Variants in PIWIL1 observed in about 807,000 individuals in gnomAD.
PIWIL1 encodes piwi like RNA-mediated gene silencing 1.
In PIWIL1, 73 loss-of-function variants were observed where a neutral mutation model predicts 114.4. That is an observed-to-expected ratio of 0.64 (90% CI 0.53 to 0.78). The LOEUF (loss-of-function observed/expected upper bound fraction) is 0.78. Ranked by LOEUF, PIWIL1 falls within the 30% of genes least tolerant of loss-of-function variation. The pLI is 0.00. For synonymous variants in PIWIL1, 375 were observed against 369.0 expected (o/e 1.02, Z -0.19); for missense variants, 723 against 1,063.1 (o/e 0.68, Z 4.45).
Position 130,361,550 on chromosome 12 carries a change from G to T in PIWIL1, c.1919G>T (p.Gly640Val). ...GIDCYHDMTA[G>V]RRSIAGFVAS... ...GATTGTTACCATGACATGACAGCTG[G>T]GCGGAGGTCAATCGCAGGATTTGTT... Residue 640 changes from glycine to valine, a missense_variant, in exon 16 of 21, where the codon GGG (glycine) becomes GTG (valine). Gly to Val is a moderately radical substitution (Grantham distance 109). Around this residue, in one of 8 missense-constraint regions of PIWIL1, gnomAD observed 298 missense variants for 420.8 expected, o/e 0.71. Transcript: ENST00000245255. The T allele has an allele frequency of 6.2e-7, 1 of 1,614,196 alleles. No individual in the cohort carries two copies. The highest frequency in any genetic ancestry group is 8.5e-7 in the Non-Finnish European group (1 of 1,180,040).
intron 9 of PIWIL1, among the ~76,000 whole-genome samples, chr12:130,353,943 A>G (rs1044557231): frequency 3.3e-5 from 5 of 151,806 alleles, no homozygotes; most frequent in African/African-American, 9.7e-5. Flanking sequence ...AAAAAAAAAG[A>G]ATGTCATTTT....
rs1180479711 is a variant in PIWIL1 at position 130,363,151 on chromosome 12, A to C, written c.2195+7A>C. 6.2e-7 allele frequency: 1 copy of C among 1,611,488 alleles called. No individual in the cohort carries two copies. Reference sequence around the variant, plus strand: ...CCATTGGTAGAGGTTACAAGTAAGCATGCAAATTGTAAAGCATTTTCTTTT... The same window carrying C: ...CCATTGGTAGAGGTTACAAGTAAGCCTGCAAATTGTAAAGCATTTTCTTTT... On this transcript the variant is annotated splice_region_variant and intron_variant, in intron 18 of 20. Coordinates refer to ENST00000245255, the MANE Select transcript of PIWIL1 (RefSeq NM_004764.5).
At chr12:130,380,609 C>A in the PIWIL1 span, among the ~76,000 whole-genome samples, 1 of 152,196 alleles carries the variant, frequency 6.6e-6, no homozygotes, top group South Asian at 2.1e-4. Flanking sequence ...ATTTGTCTGA[C>A]TGATTTGAAG....
At chr12:130,379,559 A>C in the PIWIL1 span, among the ~76,000 whole-genome samples, 11 of 99,328 alleles carry the variant, frequency 1.1e-4, no homozygotes, top group Admixed American at 2.1e-4. Context: ...GTTCCTTCAA[A>C]TCCCTCATCC....
chr12:130,342,155 CGT>C (rs56124149), intron 1 of PIWIL1: 29,915 of 134,646 alleles, frequency 0.22, 3,097 homozygotes, highest in Middle Eastern at 0.37. Flanking sequence ...TGCCTGTTTC[CGT>C]GTGTGTGTGT....
the PIWIL1 span, chr12:130,425,170 A>G: frequency 7.5e-6 from 2 of 265,604 alleles, no homozygotes; most frequent in Non-Finnish European, 1.4e-5. Flanking sequence ...CAGGCCCCAC[A>G]GTGCCCACGG....
the PIWIL1 span, among the ~76,000 whole-genome samples, chr12:130,392,315 ATGTGT>A: frequency 2.8e-5 from 3 of 108,188 alleles, no homozygotes; most frequent in African/African-American, 6.4e-5. Context: ...CACCGTCATC[ATGTGT>A]CCGTCAGTTA....
the PIWIL1 span, among the ~76,000 whole-genome samples, chr12:130,418,835 C>G: frequency 6.6e-6 from 1 of 152,174 alleles, no homozygotes; most frequent in Non-Finnish European, 1.5e-5. Flanking sequence ...CAAGTCCAAA[C>G]TCACATGGAC....
At position 130,349,589 on chromosome 12, in the gene PIWIL1, T is replaced by C. The variant is rs538539769; in HGVS notation, c.932+153T>C. Among the ~76,000 whole-genome samples the C allele has an allele frequency of 2.6e-5, 4 of 152,296 alleles. No homozygotes were observed. In the East Asian group the frequency reaches 5.8e-4, roughly 22 times the overall value. ...GTATTTTTCAGCTTTCCCAGGATCA[T>C]AGTTTTGGAGATGACATAACTCATC... On this transcript the variant is annotated intron_variant, in intron 8 of 20. Coordinates refer to ENST00000245255, the MANE Select transcript of PIWIL1 (RefSeq NM_004764.5).
At chr12:130,421,769 T>A in the PIWIL1 span, among the ~76,000 whole-genome samples, 1 of 151,940 alleles carries the variant, frequency 6.6e-6, no homozygotes, top group African/African-American at 2.4e-5. Flanking sequence ...CAGCTTCCAT[T>A]ATCTTGTGCA....
chr12:130,421,836 C>T, the PIWIL1 span, among the ~76,000 whole-genome samples: 1 of 152,278 alleles, frequency 6.6e-6, no homozygotes, highest in South Asian at 2.1e-4. Flanking sequence ...AAGTATCCCC[C>T]TCCATGGATT....
chr12:130,355,118 C>A, intron 11 of PIWIL1, 113 bp downstream of exon 11: 2 of 736,402 alleles, frequency 2.7e-6, no homozygotes, highest in South Asian at 1.6e-5. Context: ...CCTTTGGTAT[C>A]TGTAGTATTT....
chr12:130,377,679 T>C, the PIWIL1 span, among the ~76,000 whole-genome samples: 2 of 152,238 alleles, frequency 1.3e-5, no homozygotes, highest in East Asian at 1.9e-4. Context: ...CCCACCCATG[T>C]GGCATAAATG....
At chr12:130,377,554 C>T (rs1049106243), downstream of PIWIL1, among the ~76,000 whole-genome samples, 1 of 152,250 alleles carries the variant, frequency 6.6e-6, no homozygotes, top group African/African-American at 2.4e-5. Context: ...TTTGAGAAAC[C>T]TGGATTCTAA....
In PIWIL1 at chr12:130,361,410, T is replaced by A. The variant is rs2073504131; in HGVS notation, c.1866+30T>A. The stretch of plus-strand genomic sequence containing the variant: ...GTTTGATTTAATTGGTAGATGCCGT[T>A]TTAAAATTGGTATTTAAGAACATGG... On this transcript the variant is annotated intron_variant, in intron 15 of 20. Transcript: ENST00000245255. The A allele has an allele frequency of 2.5e-6, 4 of 1,612,422 alleles. No individual in the cohort carries two copies. In the East Asian group the frequency reaches 8.9e-5, roughly 36 times the overall value.
At chr12:130,422,798 T>TG in the PIWIL1 span, among the ~76,000 whole-genome samples, 21 of 152,164 alleles carry the variant, frequency 1.4e-4, no homozygotes, top group Non-Finnish European at 2.4e-4. This position sits in a 1 kb window ranked among gnomAD's most constrained non-coding sequence, Gnocchi z 5.2. Flanking sequence ...TAATTCCTTG[T>TG]GGGGGGGTCT....
At position 130,355,579 on chromosome 12, in the gene PIWIL1, G is replaced by A. The variant is rs552222799; in HGVS notation, c.1316G>A (p.Arg439Gln). 1.1e-5 allele frequency: 18 copies of A among 1,613,912 alleles called. 2 individuals carry two copies. In the Middle Eastern group the frequency reaches 1.2e-3, roughly 104 times the overall value. ...HKNDNVQRELRDWGLSFDSNL... is the reference protein window; with the variant it reads ...HKNDNVQRELQDWGLSFDSNL... ...AACGATAATGTTCAAAGGGAGCTTC[G>A]AGACTGGGGTTTGAGCTTTGATTCC... Residue 439 changes from arginine (R) to glutamine (Q), a missense_variant, in exon 12 of 21, where the codon CGA (arginine) becomes CAA (glutamine). Coordinates refer to ENST00000245255, the MANE Select transcript of PIWIL1 (RefSeq NM_004764.5).
At chr12:130,363,669 G>GTGCA (rs2073578624) in intron 18 of PIWIL1, among the ~76,000 whole-genome samples, 1 of 135,316 alleles carries the variant, frequency 7.4e-6, no homozygotes, top group African/African-American at 2.8e-5. Context: ...CCAGGCTGCA[G>GTGCA]TGCAGTGGCA....
At chr12:130,424,268 G>A in the PIWIL1 span, 66 of 1,231,794 alleles carry the variant, frequency 5.4e-5, no homozygotes, top group East Asian at 1.3e-4. This position sits in a 1 kb window ranked among gnomAD's most constrained non-coding sequence, Gnocchi z 9.8. Flanking sequence ...CGCCCCAGCC[G>A]TGCTTCCTGG....
Sources: gnomAD v4.1 joint callset for allele counts (sites outside exome capture counted in the v4.1 genomes callset) on GRCh38, gnomAD v4.1.1 for gene constraint, gnomAD v4.1.1 regional missense constraint, Gnocchi (gnomAD v3.1) non-coding constraint, MANE v1.5 for transcripts, NCBI Gene and HGNC (gene_info 2026-07-23, HGNC 2026-07-21) for gene names.